CPQ: variants seen among roughly 807,000 people sequenced by gnomAD.
CPQ encodes Ser-Met dipeptidase.
CPQ carries 37 observed loss-of-function variants against 45.7 expected under a neutral mutation model. The ratio of observed to expected loss-of-function variants is 0.81; its 90% CI spans 0.62 to 1.07. The LOEUF (loss-of-function observed/expected upper bound fraction) is 1.07. CPQ is among the 50% of genes least tolerant of loss of function. The pLI, the probability that CPQ is intolerant of heterozygous loss-of-function variation, is 0.00. For synonymous variants in CPQ, 186 were observed against 205.8 expected, an observed-to-expected ratio of 0.90 and a Z score of 0.82; for missense variants, 537 against 572.9, an observed-to-expected ratio of 0.94 and a Z score of 0.64.
chr8:96,688,020 C>CA (rs1809255209), intron 1 of CPQ, among the ~76,000 whole-genome samples: 1 of 151,854 alleles, frequency 6.6e-6, no homozygotes, highest in Admixed American at 6.6e-5. Flanking sequence ...CTTATTCTGT[C>CA]ATGTCCTGAG....
chr8:96,948,714 G>T (rs531843213), intron 4 of CPQ, among the ~76,000 whole-genome samples: 17 of 152,034 alleles, frequency 1.1e-4, no homozygotes, highest in Non-Finnish European at 2.4e-4. Context: ...CCGTATTGAT[G>T]TCCTCTTCAT....
At chr8:96,972,137 G>GAAAT (rs1041501147) in intron 5 of CPQ, among the ~76,000 whole-genome samples, 21 of 152,316 alleles carry the variant, frequency 1.4e-4, no homozygotes, top group African/African-American at 4.8e-4. Context: ...CTGTTGCCTG[G>GAAAT]AAATAGATTC....
chr8:96,705,573 T>C lies in CPQ; in HGVS notation c.-35+60171T>C, dbSNP rs543326815. Among the ~76,000 whole-genome samples the C allele has an allele frequency of 4.6e-5, 7 of 152,274 alleles. No homozygotes were observed. The South Asian group carries it at 1.0e-3, about 23-fold the overall frequency. Reference sequence around the variant, plus strand: ...GCATCTGTGGTTTCTTTGCATGGATTTGCTCCTACCCCTAGACCTGTGGCT... The same window carrying C: ...GCATCTGTGGTTTCTTTGCATGGATCTGCTCCTACCCCTAGACCTGTGGCT... On this transcript the variant is annotated intron_variant, in intron 1 of 7. Transcript: ENST00000220763.
At chr8:97,092,668 A>T (rs1235541500) in intron 7 of CPQ, 2 of 152,186 alleles carry the variant, frequency 1.3e-5, no homozygotes, top group African/African-American at 4.8e-5. Flanking sequence ...CATAAAAATC[A>T]ACCCAAGATT....
chr8:97,061,910 G>T (rs1000291418), intron 6 of CPQ, among the ~76,000 whole-genome samples: 2 of 152,110 alleles, frequency 1.3e-5, no homozygotes, highest in Admixed American at 6.6e-5. Flanking sequence ...GCTAAAGATT[G>T]GTTGATGTGA....
intron 7 of CPQ, among the ~76,000 whole-genome samples, chr8:97,069,346 T>C (rs1289861482): frequency 6.6e-6 from 1 of 151,916 alleles, no homozygotes. Context: ...TTCAGGTACC[T>C]CACTGTGTGC....
chr8:96,711,843 A>G (rs1457015077), intron 1 of CPQ, among the ~76,000 whole-genome samples: 1 of 152,064 alleles, frequency 6.6e-6, no homozygotes, highest in African/African-American at 2.4e-5. Flanking sequence ...TTCAAAACAC[A>G]ATCATGCCAT....
rs143636724 is a variant in CPQ at position 97,050,774 on chromosome 8, C to G, written c.1054-15235C>G. Among the ~76,000 whole-genome samples, 477 of 152,236 alleles carry G rather than the reference C, an allele frequency of 3.1e-3. 1 individual carries two copies. The highest frequency in any genetic ancestry group is 0.024 in the Middle Eastern group (7 of 294). ...GAGAGTCCAGCTTGTACCCATTGTCCTGACATAATCATTAATAGAATCCCT... is the reference window on the plus strand; with the variant it reads ...GAGAGTCCAGCTTGTACCCATTGTCGTGACATAATCATTAATAGAATCCCT... On this transcript the variant is annotated intron_variant, in intron 6 of 7. Coordinates refer to ENST00000220763, the MANE Select transcript of CPQ (RefSeq NM_016134.4).
chr8:96,750,163 G>A (rs910021199), intron 1 of CPQ, among the ~76,000 whole-genome samples: 1 of 151,446 alleles, frequency 6.6e-6, no homozygotes, highest in Non-Finnish European at 1.5e-5. Context: ...ACACACATAT[G>A]CTACACAATT....
intron 4 of CPQ, among the ~76,000 whole-genome samples, chr8:96,921,300 G>A (rs1812803143): frequency 6.6e-6 from 1 of 152,162 alleles, no homozygotes; most frequent in Non-Finnish European, 1.5e-5. Flanking sequence ...TACCACTGGT[G>A]ACTGTGGATT....
chr8:97,136,361 A>G (rs1262921620), intron 7 of CPQ, among the ~76,000 whole-genome samples: 1 of 152,216 alleles, frequency 6.6e-6, no homozygotes, highest in Non-Finnish European at 1.5e-5. Flanking sequence ...TAATGAATTG[A>G]TCATGATACT....
At chr8:97,113,570 G>T (rs78019757) in intron 7 of CPQ, among the ~76,000 whole-genome samples, 1 of 152,146 alleles carries the variant, frequency 6.6e-6, no homozygotes, top group East Asian at 1.9e-4. Context: ...GGTGGAGGCA[G>T]CATAGTGAGC....
intron 7 of CPQ, among the ~76,000 whole-genome samples, chr8:97,075,983 G>A (rs1422837104): frequency 2.6e-5 from 4 of 151,978 alleles, no homozygotes; most frequent in Non-Finnish European, 5.9e-5. Flanking sequence ...TTTCTAAAAG[G>A]TAAGGACTTG....
chr8:96,684,271 A>G (rs369029855), intron 1 of CPQ, among the ~76,000 whole-genome samples: 9 of 152,320 alleles, frequency 5.9e-5, no homozygotes, highest in African/African-American at 2.2e-4. Context: ...TGGGCACGGT[A>G]GTATAGTCTG....
intron 2 of CPQ, among the ~76,000 whole-genome samples, chr8:96,826,768 C>G (rs1380313708): frequency 6.6e-6 from 1 of 151,998 alleles, no homozygotes; most frequent in Non-Finnish European, 1.5e-5. Flanking sequence ...TTTGCCAATG[C>G]TCTCCCTCCC....
intron 1 of CPQ, among the ~76,000 whole-genome samples, chr8:96,659,740 T>G (rs935372976): frequency 6.6e-6 from 1 of 152,208 alleles, no homozygotes; most frequent in Non-Finnish European, 1.5e-5. Context: ...CAAAACAGGC[T>G]CATAGTCGGG....
chr8:96,842,155 CAG>C (rs1811622435), intron 3 of CPQ, among the ~76,000 whole-genome samples: 1 of 152,058 alleles, frequency 6.6e-6, no homozygotes, highest in African/African-American at 2.4e-5. Flanking sequence ...CAGTTATTCT[CAG>C]GGAATAAAAA....
chr8:96,799,235 G>A (rs553610378), intron 2 of CPQ, among the ~76,000 whole-genome samples: 66 of 152,288 alleles, frequency 4.3e-4, no homozygotes, highest in African/African-American at 1.5e-3. Context: ...GGAAGCTACA[G>A]CCTAAACTTA....
intron 1 of CPQ, among the ~76,000 whole-genome samples, chr8:96,656,909 G>A (rs956286843): frequency 2.0e-4 from 31 of 152,178 alleles, no homozygotes; most frequent in Non-Finnish European, 2.9e-4. Flanking sequence ...AACCCAGGAG[G>A]TCTAGCCATG....
Sources: gnomAD v4.1 joint callset for allele counts (sites outside exome capture counted in the v4.1 genomes callset) on GRCh38, gnomAD v4.1.1 for gene constraint, MANE v1.5 for transcripts, NCBI Gene and HGNC (gene_info 2026-07-23, HGNC 2026-07-21) for gene names.